The following ACVR1 variants were observed in gnomAD, a reference collection of about 807,000 sequenced individuals.
ACVR1 encodes activin A receptor type 1, also known as activin receptor type-1.
Under a neutral mutation model 57.1 loss-of-function variants are expected in ACVR1, and 38 were observed. The observed-to-expected ratio is 0.67, with a 90% confidence interval of 0.51 to 0.87. The LOEUF (loss-of-function observed/expected upper bound fraction) is 0.87, where lower values mean the gene tolerates loss of function less well. Among genes scored for constraint, ACVR1 ranks in the 40% least tolerant of loss-of-function variants. ACVR1 has a pLI of 0.00. For missense variants in ACVR1, 463 were observed against 638.2 expected, an observed-to-expected ratio of 0.73 and a Z score of 2.96; for synonymous variants, 212 against 228.1, an observed-to-expected ratio of 0.93 and a Z score of 0.63.
At chr2:157,815,032 T>G (rs1283489356) in intron 2 of ACVR1, among the ~76,000 whole-genome samples, 1 of 152,064 alleles carries the variant, frequency 6.6e-6, no homozygotes, top group Admixed American at 6.5e-5. Flanking sequence ...GAGCTTGCAG[T>G]GAGCCAAGAT....
At chr2:157,833,540 G>A (rs1574126354) in intron 1 of ACVR1, among the ~76,000 whole-genome samples, 1 of 152,072 alleles carries the variant, frequency 6.6e-6, no homozygotes, top group Admixed American at 6.6e-5. Flanking sequence ...CAATATGATG[G>A]GACATGAAAG....
intron 1 of ACVR1, among the ~76,000 whole-genome samples, chr2:157,873,079 G>T (rs1478970883): frequency 6.6e-6 from 1 of 152,104 alleles, no homozygotes; most frequent in South Asian, 2.1e-4. Flanking sequence ...GATGTCTTTA[G>T]GTTCTTTTCT....
chr2:157,875,382 C>G (rs1052271462), intron 1 of ACVR1, among the ~76,000 whole-genome samples: 8 of 152,110 alleles, frequency 5.3e-5, no homozygotes, highest in Non-Finnish European at 1.2e-4. Flanking sequence ...GGAAATTCGC[C>G]TATCTATCTC....
chr2:157,859,161 C>T (rs748269602), intron 1 of ACVR1, among the ~76,000 whole-genome samples: 1 of 152,144 alleles, frequency 6.6e-6, no homozygotes, highest in Non-Finnish European at 1.5e-5. Context: ...GAGGTCGGCA[C>T]AAGATGCGGG....
intron 2 of ACVR1, among the ~76,000 whole-genome samples, chr2:157,809,884 G>T (rs986929511): frequency 6.6e-6 from 1 of 152,108 alleles, no homozygotes; most frequent in African/African-American, 2.4e-5. Context: ...AGACCAGCAT[G>T]GGCAACACAG....
chr2:157,808,626 C>A (rs1420961353), intron 2 of ACVR1, among the ~76,000 whole-genome samples: 2 of 152,160 alleles, frequency 1.3e-5, no homozygotes, highest in Non-Finnish European at 2.9e-5. Context: ...CAGACACCAG[C>A]TGATAGGCCC....
intron 7 of ACVR1, 99 bp from the exon 8 acceptor site, chr2:157,766,295 C>A: frequency 7.8e-7 from 1 of 1,277,536 alleles, no homozygotes; most frequent in Non-Finnish European, 1.1e-6. Context: ...TCATCTGTAA[C>A]AAAAAGTAAT....
At chr2:157,830,074 C>T (rs1164156787) in intron 1 of ACVR1, among the ~76,000 whole-genome samples, 2 of 152,084 alleles carry the variant, frequency 1.3e-5, no homozygotes, top group Middle Eastern at 3.2e-3. Flanking sequence ...CAAAAATTAG[C>T]CAGGTGTGGT....
At chr2:157,752,360 G>GA (rs1426684991) in intron 9 of ACVR1, among the ~76,000 whole-genome samples, 1 of 152,104 alleles carries the variant, frequency 6.6e-6, no homozygotes, top group Non-Finnish European at 1.5e-5. Context: ...AAATGAGAAG[G>GA]AATCAGAAAA....
At chr2:157,822,225 C>T (rs886256810) in intron 1 of ACVR1, among the ~76,000 whole-genome samples, 1 of 152,196 alleles carries the variant, frequency 6.6e-6, no homozygotes, top group African/African-American at 2.4e-5. Context: ...AGCAGCCAAA[C>T]TCAGTTTTCC....
At chr2:157,860,492 G>C (rs1021665846) in intron 1 of ACVR1, among the ~76,000 whole-genome samples, 3 of 152,190 alleles carry the variant, frequency 2.0e-5, no homozygotes. Context: ...GATATTCCAG[G>C]ATAAGTGGTT....
intron 1 of ACVR1, among the ~76,000 whole-genome samples, chr2:157,834,732 T>C (rs1271674150): frequency 1.3e-5 from 2 of 152,304 alleles, no homozygotes; most frequent in Admixed American, 1.3e-4. Flanking sequence ...AATGTTTGTA[T>C]CCTCTCAAAT....
intron 7 of ACVR1, among the ~76,000 whole-genome samples, chr2:157,769,680 A>G (rs185522600): frequency 1.8e-4 from 28 of 152,342 alleles, no homozygotes; most frequent in Middle Eastern, 3.4e-3. Context: ...TAAATTCTAT[A>G]TAAACTTTAT....
chr2:157,771,494 T>A (rs1686068927), intron 6 of ACVR1, among the ~76,000 whole-genome samples: 1 of 152,022 alleles, frequency 6.6e-6, no homozygotes, highest in South Asian at 2.1e-4. Context: ...ACAAGGGGTA[T>A]AATCAGCCTA....
At chr2:157,785,563 T>C (rs920147709) in intron 3 of ACVR1, among the ~76,000 whole-genome samples, 1 of 152,178 alleles carries the variant, frequency 6.6e-6, no homozygotes, top group Non-Finnish European at 1.5e-5. Context: ...TTTGATCCTC[T>C]GACAAGAGGA....
chr2:157,796,917 C>T (rs993928067), intron 3 of ACVR1, among the ~76,000 whole-genome samples: 1 of 152,100 alleles, frequency 6.6e-6, no homozygotes, highest in South Asian at 2.1e-4. Flanking sequence ...GACACAACTG[C>T]CATATTATGG....
Position 157,738,657 on chromosome 2 carries a change from T to C in ACVR1, c.1265-87A>G, listed in dbSNP as rs943640339. 55 of 1,595,880 alleles carry C rather than the reference T, an allele frequency of 3.4e-5. No individual in the cohort carries two copies. In the African/African-American group the frequency reaches 6.3e-4, roughly 18 times the overall value. Reference sequence around the variant, plus strand: ...CATTGATGGGTGTCACAGGTTATAATGTGACAGAAGAAAATACTAATCACC... The same window carrying C: ...CATTGATGGGTGTCACAGGTTATAACGTGACAGAAGAAAATACTAATCACC... On this transcript the variant is annotated intron_variant, in intron 9 of 10. Coordinates refer to ENST00000434821, the MANE Select transcript of ACVR1 (RefSeq NM_001111067.4).
intron 3 of ACVR1, among the ~76,000 whole-genome samples, chr2:157,795,603 G>T (rs530338756): frequency 6.6e-6 from 1 of 152,004 alleles, no homozygotes; most frequent in Admixed American, 6.5e-5. Flanking sequence ...TAATGGTGGT[G>T]GTATATTAAA....
At chr2:157,809,293 T>C (rs1011638290) in intron 2 of ACVR1, among the ~76,000 whole-genome samples, 17 of 152,186 alleles carry the variant, frequency 1.1e-4, no homozygotes, top group Admixed American at 3.9e-4. Flanking sequence ...GAATAGAATG[T>C]GATTAATGGA....
Sources: gnomAD v4.1 joint callset for allele counts (sites outside exome capture counted in the v4.1 genomes callset) on GRCh38, gnomAD v4.1.1 for gene constraint, MANE v1.5 for transcripts, NCBI Gene and HGNC (gene_info 2026-07-23, HGNC 2026-07-21) for gene names.